KCNIP1: variants seen among roughly 807,000 people sequenced by gnomAD.
The protein encoded by KCNIP1 is A-type potassium channel modulatory protein KCNIP1.
A neutral mutation model predicts 33.0 loss-of-function variants in KCNIP1; 18 were observed. The observed-to-expected ratio is 0.55, with a 90% confidence interval of 0.38 to 0.81. KCNIP1 has a LOEUF of 0.81. Among genes scored for constraint, KCNIP1 ranks in the 30% least tolerant of loss-of-function variants. The pLI is 0.00. For synonymous variants in KCNIP1, 93 were observed against 98.3 expected (o/e 0.95, Z 0.32); for missense variants, 238 against 271.6 (o/e 0.88, Z 0.87).
At chr5:170,634,653 AG>A (rs1760214391) in intron 1 of KCNIP1, among the ~76,000 whole-genome samples, 1 of 152,230 alleles carries the variant, frequency 6.6e-6, no homozygotes. Context: ...CCCGAGCCCC[AG>A]GCTCTTCAAT....
At chr5:170,476,617 C>T (rs533947197) in intron 1 of KCNIP1, among the ~76,000 whole-genome samples, 68 of 152,264 alleles carry the variant, frequency 4.5e-4, no homozygotes, top group African/African-American at 1.5e-3. Context: ...ATCAAAGTTA[C>T]GGTCTTGGGA....
intron 1 of KCNIP1, among the ~76,000 whole-genome samples, chr5:170,408,359 C>G (rs1200593072): frequency 6.6e-6 from 1 of 152,218 alleles, no homozygotes. Flanking sequence ...TGTTAATCCT[C>G]AGGGAATCTC....
Position 170,730,760 on chromosome 5 carries a change from T to C in KCNIP1, c.436-2040T>C, listed in dbSNP as rs531190874. Among the ~76,000 whole-genome samples, 6 of 152,132 alleles carry C rather than the reference T, an allele frequency of 3.9e-5. No homozygotes were observed. In the East Asian group the frequency reaches 1.2e-3, roughly 29 times the overall value. ...AAACAGAACCAGTCTTCTTGAAGAA[T>C]AGTTGATTCTAAGATTGGGAAAGAG... is the stretch of plus-strand genomic sequence containing the variant. On this transcript the variant is annotated intron_variant, in intron 5 of 7. Transcript: ENST00000328939.
intron 1 of KCNIP1, among the ~76,000 whole-genome samples, chr5:170,487,684 G>C (rs1266700642): frequency 6.6e-6 from 1 of 151,908 alleles, no homozygotes; most frequent in African/African-American, 2.4e-5. Flanking sequence ...ACCAAATCCA[G>C]CTAATTTTTG....
At chr5:170,582,708 C>T (rs1352165399) in intron 1 of KCNIP1, among the ~76,000 whole-genome samples, 2 of 152,160 alleles carry the variant, frequency 1.3e-5, no homozygotes, top group Non-Finnish European at 2.9e-5. Flanking sequence ...CCAAGCAGAT[C>T]ACTTATCTGT....
chr5:170,631,791 C>T (rs532331935), intron 1 of KCNIP1, among the ~76,000 whole-genome samples: 34 of 152,334 alleles, frequency 2.2e-4, no homozygotes, highest in African/African-American at 7.7e-4. Context: ...CCCAAGGCCA[C>T]GTGCTGCCCC....
chr5:170,701,584 G>A (rs1027944873), intron 1 of KCNIP1, among the ~76,000 whole-genome samples: 9 of 152,136 alleles, frequency 5.9e-5, no homozygotes, highest in Non-Finnish European at 1.0e-4. Context: ...CTGGCCCTCC[G>A]GCTTGCTGCC....
At chr5:170,580,688 G>A (rs926617330) in intron 1 of KCNIP1, among the ~76,000 whole-genome samples, 4 of 152,286 alleles carry the variant, frequency 2.6e-5, no homozygotes, top group Non-Finnish European at 5.9e-5. Context: ...TTAACATGAA[G>A]AAAAGGTAGA....
At chr5:170,580,969 A>C (rs1561698248) in intron 1 of KCNIP1, among the ~76,000 whole-genome samples, 1 of 152,204 alleles carries the variant, frequency 6.6e-6, no homozygotes, top group Non-Finnish European at 1.5e-5. Flanking sequence ...AAGTACAGAT[A>C]CAGATGACCC....
At chr5:170,537,603 C>T (rs1756042039) in intron 1 of KCNIP1, among the ~76,000 whole-genome samples, 1 of 152,182 alleles carries the variant, frequency 6.6e-6, no homozygotes, top group Admixed American at 6.5e-5. Context: ...GAGGCCCCTG[C>T]CTTCCGACTT....
intron 1 of KCNIP1, among the ~76,000 whole-genome samples, chr5:170,471,739 C>T (rs1008937521): frequency 1.3e-5 from 2 of 152,116 alleles, no homozygotes; most frequent in African/African-American, 2.4e-5. Context: ...CACCCTGGGG[C>T]CTCTCTCTCT....
At chr5:170,707,585 C>G (rs925529461) in intron 1 of KCNIP1, among the ~76,000 whole-genome samples, 1 of 152,234 alleles carries the variant, frequency 6.6e-6, no homozygotes, top group African/African-American at 2.4e-5. Flanking sequence ...TTTCCACCAT[C>G]GCCCTGCTCC....
intron 1 of KCNIP1, among the ~76,000 whole-genome samples, chr5:170,428,998 A>G (rs1405819684): frequency 1.3e-5 from 2 of 152,034 alleles, no homozygotes; most frequent in East Asian, 1.9e-4. Flanking sequence ...AACTTTTCCC[A>G]TTAAATCACT....
At chr5:170,651,590 C>T (rs1761045118) in intron 1 of KCNIP1, among the ~76,000 whole-genome samples, 1 of 152,178 alleles carries the variant, frequency 6.6e-6, no homozygotes, top group Admixed American at 6.5e-5. Flanking sequence ...TAATCTTCTA[C>T]CGCCACCCCC....
chr5:170,722,421 C>T (rs1763857817), intron 4 of KCNIP1, among the ~76,000 whole-genome samples: 1 of 152,050 alleles, frequency 6.6e-6, no homozygotes, highest in South Asian at 2.1e-4. Flanking sequence ...GGATGATAGA[C>T]AGACCACTGC....
intron 1 of KCNIP1, among the ~76,000 whole-genome samples, chr5:170,589,407 A>C (rs559580566): frequency 1.6e-4 from 24 of 152,358 alleles, no homozygotes; most frequent in Non-Finnish European, 2.6e-4. Flanking sequence ...GTCTATGTTA[A>C]ATTAATTAAC....
intron 1 of KCNIP1, among the ~76,000 whole-genome samples, chr5:170,626,983 A>G (rs1163714138): frequency 6.6e-6 from 1 of 152,168 alleles, no homozygotes. Flanking sequence ...GGTGACACAG[A>G]CAGACAGGGA....
chr5:170,378,859 C>G, intron 1 of KCNIP1: 2 of 1,614,252 alleles, frequency 1.2e-6, no homozygotes, highest in East Asian at 4.5e-5. Context: ...GTTTCGTTCC[C>G]CCGAGGTGCG....
At position 170,597,784 on chromosome 5, in the gene KCNIP1, A is replaced by AATAT. The variant is rs10525595; in HGVS notation, c.61+93194_61+93197dup. On this transcript the variant is annotated intron_variant, in intron 1 of 7. Coordinates refer to ENST00000328939, the MANE Select transcript of KCNIP1 (RefSeq NM_014592.4). ...ACTTCTGATGCTGGAGAGAGAGATA[A>AATAT]ATATATATATATATATATATATATA... 1.3e-3 allele frequency among the ~76,000 whole-genome samples: 177 copies of AATAT among 134,242 alleles called. 2 individuals are homozygous for AATAT. Among genetic ancestry groups the AATAT allele is most frequent in the African/African-American group, 1.6e-3 (52 of 32,582 alleles). 88.1% of individuals were successfully genotyped at this position (134,242 alleles called of 152,430 possible).
Sources: gnomAD v4.1 joint callset for allele counts (sites outside exome capture counted in the v4.1 genomes callset) on GRCh38, gnomAD v4.1.1 for gene constraint, MANE v1.5 for transcripts, NCBI Gene and HGNC (gene_info 2026-07-23, HGNC 2026-07-21) for gene names.